Variants in CDH18 observed in about 807,000 individuals in gnomAD.
CDH18 encodes cadherin-18.
CDH18 carries 31 observed loss-of-function variants against 67.9 expected under a neutral mutation model. That is an observed-to-expected ratio of 0.46 (90% CI 0.34 to 0.62). CDH18 has a LOEUF of 0.62. CDH18 is among the 20% of genes least tolerant of loss of function. The probability of loss-of-function intolerance (pLI) is 0.01; values close to 1 mark genes in which losing one functional copy is unlikely to be tolerated. For synonymous variants in CDH18, 362 were observed against 347.2 expected (o/e 1.04, Z -0.48); for missense variants, 890 against 975.5 (o/e 0.91, Z 1.17).
chr5:20,045,226 C>T (rs1740798776), intron 2 of CDH18, among the ~76,000 whole-genome samples: 1 of 152,082 alleles, frequency 6.6e-6, no homozygotes, highest in South Asian at 2.1e-4. Context: ...ATTTTTGAAA[C>T]TCAATGGAAT....
chr5:19,933,184 A>G (rs1338382676), intron 2 of CDH18, among the ~76,000 whole-genome samples: 2 of 151,570 alleles, frequency 1.3e-5, no homozygotes, highest in Non-Finnish European at 3.0e-5. Flanking sequence ...TTTAACCAGG[A>G]TAAGAAGAGA....
chr5:20,015,281 C>G (rs1335310734), intron 2 of CDH18, among the ~76,000 whole-genome samples: 2 of 152,094 alleles, frequency 1.3e-5, no homozygotes, highest in African/African-American at 4.8e-5. Context: ...ACTCTCTTCC[C>G]TGAACTAGAT....
chr5:19,892,578 G>C (rs1788891016), intron 2 of CDH18, among the ~76,000 whole-genome samples: 1 of 152,034 alleles, frequency 6.6e-6, no homozygotes, highest in South Asian at 2.1e-4. Flanking sequence ...CTCTGACATG[G>C]AGTAGGGTGA....
At chr5:20,308,225 A>G (rs910395865) in intron 1 of CDH18, among the ~76,000 whole-genome samples, 1 of 151,914 alleles carries the variant, frequency 6.6e-6, no homozygotes, top group East Asian at 1.9e-4. Flanking sequence ...TGTTAAACTG[A>G]TAAGAATAGA....
At chr5:19,824,141 G>A (rs1354455274) in intron 3 of CDH18, among the ~76,000 whole-genome samples, 1 of 152,150 alleles carries the variant, frequency 6.6e-6, no homozygotes. Context: ...TGATGTAGAT[G>A]CTAAGGCACA....
At chr5:20,281,688 C>T (rs926446649) in intron 1 of CDH18, among the ~76,000 whole-genome samples, 8 of 152,048 alleles carry the variant, frequency 5.3e-5, no homozygotes, top group Non-Finnish European at 5.9e-5. Flanking sequence ...CTTGGCGATG[C>T]GGGCTCTCTT....
In CDH18 at chr5:20,111,695, C is replaced by T. The variant is rs181062591; in HGVS notation, c.-517-119681G>A. 1.9e-3 allele frequency among the ~76,000 whole-genome samples: 282 copies of T among 151,860 alleles called. 3 individuals carry two copies. The highest frequency in any genetic ancestry group is 0.017 in the Admixed American group (253 of 15,250). On this transcript the variant is annotated intron_variant, in intron 2 of 14. Transcript: ENST00000507958. Reference sequence around the variant, plus strand: ...AAGTAGCTGGGGCTACAAGAGTGCGCCACCACACCCAGCTAATTTTTGTAT... The same window carrying T: ...AAGTAGCTGGGGCTACAAGAGTGCGTCACCACACCCAGCTAATTTTTGTAT...
chr5:20,334,753 T>TACACACACACACAC lies in CDH18; in HGVS notation c.-579-79262_-579-79249dup, dbSNP rs35282241. ...GATCTCTCTCTCTCTCTCTCTCTCA[T>TACACACACACACAC]ACACACACACACACACACACACACA... On this transcript the variant is annotated intron_variant, in intron 1 of 14. Coordinates refer to the CDH18 transcript ENST00000507958. 3.1e-4 allele frequency among the ~76,000 whole-genome samples: 43 copies of TACACACACACACAC among 138,434 alleles called. 1 individual carries two copies. The highest frequency in any genetic ancestry group is 2.0e-3 in the South Asian group (8 of 4,036). 90.8% of individuals were successfully genotyped at this position (138,434 alleles called of 152,430 possible).
intron 2 of CDH18, among the ~76,000 whole-genome samples, chr5:20,104,819 C>T (rs6876201): frequency 1 from 152,011 of 152,226 alleles, 75,898 homozygotes; most frequent in Non-Finnish European, 1. Context: ...AAGCCTCCAC[C>T]TCTGAAACCA....
chr5:20,159,981 T>C (rs538876145), intron 2 of CDH18, among the ~76,000 whole-genome samples: 1 of 152,226 alleles, frequency 6.6e-6, no homozygotes, highest in East Asian at 1.9e-4. Flanking sequence ...AGATAACAAA[T>C]AAACACACAC....
chr5:20,326,578 G>A (rs183093127), intron 1 of CDH18, among the ~76,000 whole-genome samples: 18 of 140,236 alleles, frequency 1.3e-4, no homozygotes, highest in Admixed American at 2.3e-4. Flanking sequence ...TCGCTCTGTC[G>A]CCCAGGCTGG....
In CDH18 at chr5:19,683,059, A is replaced by T. The variant is rs1239206751; in HGVS notation, c.643+38288T>A. 2.6e-5 allele frequency among the ~76,000 whole-genome samples: 4 copies of T among 151,970 alleles called. No individual in the cohort carries two copies. The East Asian group carries it at 7.8e-4, about 30-fold the overall frequency. On this transcript the variant is annotated intron_variant, in intron 5 of 12. Coordinates refer to ENST00000382275, the MANE Select transcript of CDH18 (RefSeq NM_004934.5). The stretch of plus-strand genomic sequence containing the variant: ...TATTATCTCCATTTTTACAGAACAT[A>T]TATATATATTCAATATATAAAATGT...
chr5:20,469,477 G>A (rs1581058914), intron 1 of CDH18, among the ~76,000 whole-genome samples: 1 of 152,124 alleles, frequency 6.6e-6, no homozygotes, highest in Non-Finnish European at 1.5e-5. Context: ...CTGAAATGAA[G>A]TTTCATTGCC....
intron 9 of CDH18, among the ~76,000 whole-genome samples, chr5:19,537,194 TC>T (rs57166641): frequency 3.3e-5 from 5 of 151,794 alleles, no homozygotes; most frequent in African/African-American, 4.8e-5. Context: ...CCAAAGTAAT[TC>T]CCCCCCAGTG....
intron 1 of CDH18, among the ~76,000 whole-genome samples, chr5:20,376,107 T>TTTTTTTTTTTTTTTTTTTTTTG (rs1318320616): frequency 8.9e-6 from 1 of 112,940 alleles, no homozygotes; most frequent in African/African-American, 3.1e-5. Flanking sequence ...TTTTTTTTTT[T>TTTTTTTTTTTTTTTTTTTTTTG]TTTTGAGACG....
chr5:20,242,596 GAAAAAA>G (rs376279568), intron 2 of CDH18, among the ~76,000 whole-genome samples: 2 of 77,780 alleles, frequency 2.6e-5, no homozygotes, highest in Admixed American at 1.5e-4. Context: ...TTCATTGAGG[GAAAAAA>G]AAAAAAAAAA....
At chr5:20,433,142 C>T (rs1748897060) in intron 1 of CDH18, among the ~76,000 whole-genome samples, 1 of 151,076 alleles carries the variant, frequency 6.6e-6, no homozygotes, top group South Asian at 2.1e-4. Context: ...TTGTGTCCTT[C>T]TCCAATTTAT....
chr5:20,460,265 G>A (rs562650033), intron 1 of CDH18, among the ~76,000 whole-genome samples: 16 of 151,940 alleles, frequency 1.1e-4, no homozygotes, highest in South Asian at 8.3e-4. Context: ...GGTGGTGTGC[G>A]CCTGTAGTCC....
intron 2 of CDH18, among the ~76,000 whole-genome samples, chr5:20,236,425 A>G (rs1265768359): frequency 2.0e-5 from 3 of 151,878 alleles, no homozygotes; most frequent in Admixed American, 1.3e-4. Context: ...CAAAGGTTAA[A>G]GCAATCAAGA....
Sources: allele counts gnomAD v4.1 joint callset (sites outside exome capture counted in the v4.1 genomes callset), GRCh38; gene constraint gnomAD v4.1.1; transcripts MANE v1.5; gene names NCBI Gene and HGNC (gene_info 2026-07-23, HGNC 2026-07-21).